Variants in TMOD1 observed in about 807,000 individuals in gnomAD.
TMOD1 encodes the protein tropomodulin-1.
Under a neutral mutation model 40.6 loss-of-function variants are expected in TMOD1, and 17 were observed. That is an observed-to-expected ratio of 0.42 (90% CI 0.29 to 0.63). The LOEUF (loss-of-function observed/expected upper bound fraction) is 0.63. Ranked by LOEUF, TMOD1 falls within the 20% of genes least tolerant of loss-of-function variation. The pLI, the probability that TMOD1 is intolerant of heterozygous loss-of-function variation, is 0.22. For synonymous variants in TMOD1, 181 were observed against 175.0 expected, an observed-to-expected ratio of 1.03 and a Z score of -0.27; for missense variants, 391 against 447.6, an observed-to-expected ratio of 0.87 and a Z score of 1.14.
intron 2 of TMOD1, among the ~76,000 whole-genome samples, chr9:97,529,173 C>T (rs1024367572): frequency 2.6e-5 from 4 of 152,120 alleles, no homozygotes; most frequent in African/African-American, 4.8e-5. Flanking sequence ...GGTTGGGGGT[C>T]GCTGTAGGAA....
At chr9:97,589,779 A>G (rs2131291042) in intron 8 of TMOD1, among the ~76,000 whole-genome samples, 1 of 152,204 alleles carries the variant, frequency 6.6e-6, no homozygotes, top group East Asian at 1.9e-4. Context: ...TCTTGTTCCT[A>G]ATCTTGGAGG....
At chr9:97,559,872 G>T (rs867716617) in intron 4 of TMOD1, among the ~76,000 whole-genome samples, 2 of 134,486 alleles carry the variant, frequency 1.5e-5, no homozygotes, top group African/African-American at 2.9e-5. Flanking sequence ...CTGATTGGTT[G>T]GTCCAGGATG....
At chr9:97,524,052 C>G (rs1720849673) in intron 1 of TMOD1, 89 bp from the exon 2 acceptor site, 3 of 942,938 alleles carry the variant, frequency 3.2e-6, no homozygotes, top group South Asian at 3.8e-5. Flanking sequence ...TAAAATGTAC[C>G]CAGGCCGCTG....
intron 2 of TMOD1, among the ~76,000 whole-genome samples, chr9:97,542,938 T>C (rs1294551749): frequency 6.6e-6 from 1 of 151,780 alleles, no homozygotes; most frequent in African/African-American, 2.4e-5. Flanking sequence ...GCAGTGCTAC[T>C]AGCATCTAGG....
At chr9:97,522,948 A>T (rs1829939581) in intron 1 of TMOD1, among the ~76,000 whole-genome samples, 1 of 152,182 alleles carries the variant, frequency 6.6e-6, no homozygotes. Flanking sequence ...GGAGGACAAT[A>T]GCGCTCGAGG....
chr9:97,509,498 AG>A (rs1462972662), intron 1 of TMOD1, among the ~76,000 whole-genome samples: 1 of 138,886 alleles, frequency 7.2e-6, no homozygotes, highest in African/African-American at 2.7e-5. Context: ...TCGCTAATAG[AG>A]GTTTTTTTTT....
Position 97,557,462 on chromosome 9 carries a change from AG to A in TMOD1, c.397+4065del, listed in dbSNP as rs1461023855. ...GACAGCCTCGGGCCACTCACCCCCA[AG>A]GGCAGTTGGCAACCTGGGGGTCTTG... On this transcript the variant is annotated intron_variant, in intron 4 of 9. Transcript: ENST00000259365. This position sits in a 1 kb window ranked among gnomAD's most constrained non-coding sequence, Gnocchi z 4.4. Among the ~76,000 whole-genome samples the A allele has an allele frequency of 1.1e-4, 16 of 152,172 alleles. No individual in the cohort carries two copies. The highest frequency in any genetic ancestry group is 9.8e-4 in the Admixed American group (15 of 15,276).
chr9:97,521,349 A>T (rs1055486542), intron 1 of TMOD1, among the ~76,000 whole-genome samples: 2 of 152,186 alleles, frequency 1.3e-5, no homozygotes, highest in African/African-American at 4.8e-5. Context: ...CATATAACCC[A>T]AAACCCGTTT....
chr9:97,530,577 T>G (rs927726718), intron 2 of TMOD1, among the ~76,000 whole-genome samples: 1 of 150,748 alleles, frequency 6.6e-6, no homozygotes, highest in Non-Finnish European at 1.5e-5. Flanking sequence ...AAGCTCTGCC[T>G]CCCGGGTCCA....
In TMOD1 at chr9:97,555,106, C is replaced by T. The variant is rs368378904; in HGVS notation, c.397+1706C>T. Among the ~76,000 whole-genome samples the T allele has an allele frequency of 2.6e-4, 40 of 152,310 alleles. 1 individual carries two copies. The highest frequency in any genetic ancestry group is 8.9e-4 in the African/African-American group (37 of 41,552). ...TGAAGTACAGAAGCAGTGAGTGCTT[C>T]ACCCAGCTGGGAAGGTAGCACTTAA... is the stretch of plus-strand genomic sequence containing the variant. On this transcript the variant is annotated intron_variant, in intron 4 of 9. Transcript: ENST00000259365.
upstream of TMOD1, chr9:97,501,380 C>A (rs563552634): frequency 6.6e-6 from 1 of 152,370 alleles, no homozygotes; most frequent in East Asian, 1.9e-4. Flanking sequence ...CCACCTTTTC[C>A]CACATAACTC....
chr9:97,528,160 C>G lies in TMOD1; in HGVS notation c.120+3852C>G, dbSNP rs371922064. On this transcript the variant is annotated intron_variant, in intron 2 of 9. Transcript: ENST00000259365. The stretch of plus-strand genomic sequence containing the variant: ...AGCTCTCACACAGCCAGCTTTCCCG[C>G]CCAGGTGATTAGCAGGGAAGGGACA... Among the ~76,000 whole-genome samples the G allele has an allele frequency of 7.2e-5, 11 of 152,284 alleles. 1 individual carries two copies. In the South Asian group the frequency reaches 2.3e-3, roughly 32 times the overall value.
At chr9:97,559,849 A>C (rs867078882) in intron 4 of TMOD1, among the ~76,000 whole-genome samples, 3 of 121,000 alleles carry the variant, frequency 2.5e-5, no homozygotes, top group African/African-American at 6.5e-5. Context: ...CTATCTATCT[A>C]TCTCCAGAGA....
In TMOD1 at chr9:97,600,886, T is replaced by C. The variant is rs73552526; in HGVS notation, c.*1188T>C. 2,364 of 1,135,214 alleles carry C rather than the reference T, an allele frequency of 2.1e-3. 41 individuals carry two copies. In the African/African-American group the frequency reaches 0.036, roughly 17 times the overall value. 70.3% of individuals were successfully genotyped at this position (1,135,214 alleles called of 1,614,324 possible). A position where few individuals can be genotyped will look rare whatever the true frequency, so the allele number is the denominator to read the frequency against. On this transcript the variant is annotated 3_prime_UTR_variant, in exon 10 of 10. Coordinates refer to ENST00000259365, the MANE Select transcript of TMOD1 (RefSeq NM_003275.4). ...CACAATGCCCTTGTGCCTTTTAATA[T>C]ACCACAGTGCCAGTTAAACTAATAT...
At chr9:97,581,875 C>A (rs1825763326) in intron 8 of TMOD1, among the ~76,000 whole-genome samples, 1 of 150,398 alleles carries the variant, frequency 6.6e-6, no homozygotes, top group Admixed American at 6.7e-5. Flanking sequence ...TGTTTGAGTT[C>A]ATTGTAGATT....
chr9:97,580,857 A>G (rs552094558), intron 8 of TMOD1, among the ~76,000 whole-genome samples: 288 of 151,650 alleles, frequency 1.9e-3, no homozygotes, highest in African/African-American at 6.6e-3. Flanking sequence ...CCTGTTTTCC[A>G]TTTTAATATT....
At chr9:97,552,832 TA>T (rs1220440984) in intron 3 of TMOD1, among the ~76,000 whole-genome samples, 2 of 152,224 alleles carry the variant, frequency 1.3e-5, no homozygotes, top group Admixed American at 6.5e-5. Flanking sequence ...TCTGACACTT[TA>T]AAAATATGAT....
chr9:97,591,496 G>A, intron 9 of TMOD1, 61 bp downstream of exon 9: 1 of 1,559,386 alleles, frequency 6.4e-7, no homozygotes, highest in Non-Finnish European at 8.7e-7. Flanking sequence ...ACCTGTGCTG[G>A]GGATGTCAGG....
intron 9 of TMOD1, among the ~76,000 whole-genome samples, chr9:97,596,975 C>T (rs1826125053): frequency 6.6e-6 from 1 of 152,214 alleles, no homozygotes; most frequent in South Asian, 2.1e-4. Context: ...TATACTGTGT[C>T]TTTACTTCTG....
Sources: gnomAD v4.1 joint callset for allele counts (sites outside exome capture counted in the v4.1 genomes callset) on GRCh38, gnomAD v4.1.1 for gene constraint, Gnocchi (gnomAD v3.1) non-coding constraint, MANE v1.5 for transcripts, NCBI Gene and HGNC (gene_info 2026-07-23, HGNC 2026-07-21) for gene names.